Variants in PRDM16 observed in about 807,000 individuals in gnomAD.
PRDM16 encodes PR/SET domain 16, also known as histone-lysine N-methyltransferase PRDM16.
PRDM16 carries 23 observed loss-of-function variants against 110.6 expected under a neutral mutation model. The ratio of observed to expected loss-of-function variants is 0.21; its 90% CI spans 0.15 to 0.29. The LOEUF (loss-of-function observed/expected upper bound fraction) is 0.29, where lower values mean the gene tolerates loss of function less well. PRDM16 is among the 10% of genes least tolerant of loss of function. The pLI is 1.00. For synonymous variants in PRDM16, 799 were observed against 781.8 expected, an observed-to-expected ratio of 1.02 and a Z score of -0.37; for missense variants, 1,615 against 1,794.3, an observed-to-expected ratio of 0.90 and a Z score of 1.81.
intron 3 of PRDM16, among the ~76,000 whole-genome samples, chr1:3,341,884 G>A (rs950498730): frequency 2.6e-5 from 4 of 152,258 alleles, no homozygotes; most frequent in African/African-American, 9.6e-5. Flanking sequence ...AGTCCGGGCT[G>A]TCTTCTTCGG....
intron 3 of PRDM16, among the ~76,000 whole-genome samples, chr1:3,347,377 T>G (rs986846825): frequency 1.2e-4 from 19 of 152,224 alleles, no homozygotes; most frequent in African/African-American, 4.1e-4. Flanking sequence ...CTCCCTGGCA[T>G]TGGCCCAGGA....
At position 3,271,171 on chromosome 1, in the gene PRDM16, A is replaced by C. The variant is rs541693068; in HGVS notation, c.438+27034A>C. Reference sequence around the variant, plus strand: ...CATTCACGCCAGTGTGGGGCCCCGGACGCCTCCAGGTCAGAATGAAAGCCC... The same window carrying C: ...CATTCACGCCAGTGTGGGGCCCCGGCCGCCTCCAGGTCAGAATGAAAGCCC... On this transcript the variant is annotated intron_variant, in intron 3 of 16. Transcript: ENST00000270722. Among the ~76,000 whole-genome samples the C allele has an allele frequency of 2.0e-5, 3 of 152,290 alleles. No homozygotes were observed. The South Asian group carries it at 6.2e-4, about 32-fold the overall frequency.
intron 1 of PRDM16, among the ~76,000 whole-genome samples, chr1:3,092,709 C>G (rs1436782701): frequency 6.6e-6 from 1 of 152,132 alleles, no homozygotes; most frequent in Non-Finnish European, 1.5e-5. Flanking sequence ...TGGCTGGGCA[C>G]CCCCGGTCTG....
chr1:3,101,849 G>T (rs1027441711), intron 1 of PRDM16, among the ~76,000 whole-genome samples: 4 of 152,212 alleles, frequency 2.6e-5, no homozygotes, highest in Non-Finnish European at 5.9e-5. Flanking sequence ...AAGACCACCC[G>T]TTCTTGTCTC....
intron 3 of PRDM16, among the ~76,000 whole-genome samples, chr1:3,340,542 C>T (rs549853436): frequency 2.6e-5 from 4 of 152,188 alleles, no homozygotes; most frequent in Admixed American, 6.5e-5. Flanking sequence ...ATACCATCTA[C>T]GTTTTTCCCC....
rs1569734388 is a variant in PRDM16 at position 3,412,870 on chromosome 1, C to T, written c.2603+70C>T. 4.0e-6 allele frequency: 5 copies of T among 1,252,870 alleles called. No homozygotes were observed. The East Asian group carries it at 1.4e-4, about 35-fold the overall frequency. 77.6% of individuals were successfully genotyped at this position (1,252,870 alleles called of 1,614,324 possible). ...GCGGCGGTGCTGGGCGGGCTCAGTG[C>T]ATGGTGGTGTCTCTTTCAAGCTCCT... On this transcript the variant is annotated intron_variant, in intron 9 of 16. Transcript: ENST00000270722.
chr1:3,356,537 C>T (rs1642606540), intron 3 of PRDM16, among the ~76,000 whole-genome samples: 1 of 152,206 alleles, frequency 6.6e-6, no homozygotes, highest in African/African-American at 2.4e-5. Context: ...TTTTCCTTGC[C>T]TGGGTGCAGA....
At chr1:3,132,315 C>G (rs1643351324) in intron 1 of PRDM16, among the ~76,000 whole-genome samples, 1 of 152,168 alleles carries the variant, frequency 6.6e-6, no homozygotes. Context: ...GATTCTGTGT[C>G]CGGTGAGCAG....
chr1:3,437,687 T>C lies in PRDM16; in HGVS notation c.*3876T>C, dbSNP rs1334504636. 3 of 225,758 alleles carry C rather than the reference T, an allele frequency of 1.3e-5. No homozygotes were observed. The East Asian group carries it at 1.9e-4, about 14-fold the overall frequency. The allele number at this position is 225,758 out of a possible 1,614,324, so 14.0% of individuals were successfully genotyped here. A position where few individuals can be genotyped will look rare whatever the true frequency, so the allele number is the denominator to read the frequency against. On this transcript the variant is annotated 3_prime_UTR_variant, in exon 17 of 17. Transcript: ENST00000270722. ...TTCCTAGAAGAGTTCCTCTGCTCCT[T>C]CCATTCCATTTTTGTGTTTGTTTTG...
At chr1:3,085,587 A>T (rs1458098139) in intron 1 of PRDM16, among the ~76,000 whole-genome samples, 1 of 152,220 alleles carries the variant, frequency 6.6e-6, no homozygotes, top group Non-Finnish European at 1.5e-5. Context: ...CTCTGAGCCC[A>T]GTGTGCCCAT....
At chr1:3,305,481 G>A (rs768714429) in intron 3 of PRDM16, among the ~76,000 whole-genome samples, 1 of 152,192 alleles carries the variant, frequency 6.6e-6, no homozygotes, top group East Asian at 1.9e-4. Flanking sequence ...AGGTGTAAGC[G>A]GATGCTCCTT....
At chr1:3,365,885 C>T (rs542931721) in intron 3 of PRDM16, among the ~76,000 whole-genome samples, 3 of 152,286 alleles carry the variant, frequency 2.0e-5, no homozygotes, top group Non-Finnish European at 2.9e-5. Flanking sequence ...TGTTTATGTG[C>T]GCAGGGATGC....
chr1:3,240,626 A>T (rs1469107671), intron 2 of PRDM16, among the ~76,000 whole-genome samples: 1 of 152,142 alleles, frequency 6.6e-6, no homozygotes, highest in Non-Finnish European at 1.5e-5. Flanking sequence ...CTCCTTAGTT[A>T]GGTTCTCAGA....
At chr1:3,300,997 C>T (rs1641195364) in intron 3 of PRDM16, among the ~76,000 whole-genome samples, 1 of 152,180 alleles carries the variant, frequency 6.6e-6, no homozygotes, top group Non-Finnish European at 1.5e-5. Flanking sequence ...TGCAAGGCTG[C>T]ACTCCTTGAC....
rs1222395938 is a variant in PRDM16 at position 3,125,059 on chromosome 1, AG to A, written c.37+55764del. 2.6e-5 allele frequency among the ~76,000 whole-genome samples: 4 copies of A among 152,354 alleles called. No individual in the cohort carries two copies. In the South Asian group the frequency reaches 8.3e-4, roughly 32 times the overall value. Reference sequence around the variant, plus strand: ...TGCATGTCTCTGGGAAAACCTGATCAGCTGACCCAAACCAACTACAGTTCTG... The same window carrying A: ...TGCATGTCTCTGGGAAAACCTGATCACTGACCCAAACCAACTACAGTTCTG... On this transcript the variant is annotated intron_variant, in intron 1 of 16. Transcript: ENST00000270722.
At chr1:3,075,072 C>G (rs1037284882) in intron 1 of PRDM16, among the ~76,000 whole-genome samples, 2 of 152,260 alleles carry the variant, frequency 1.3e-5, no homozygotes, top group Non-Finnish European at 2.9e-5. Flanking sequence ...GCCATCAAAT[C>G]CTCCACGGTC....
intron 1 of PRDM16, among the ~76,000 whole-genome samples, chr1:3,070,682 C>T (rs537808387): frequency 9.5e-4 from 144 of 152,156 alleles, no homozygotes; most frequent in African/African-American, 3.3e-3. Flanking sequence ...AAACGTGAGC[C>T]GGGTGCGCGC....
chr1:3,405,355 C>T (rs1643542482), intron 7 of PRDM16, 140 bp from the exon 8 acceptor site: 15 of 958,848 alleles, frequency 1.6e-5, no homozygotes, highest in Admixed American at 3.1e-5. Flanking sequence ...AGACCTGTCC[C>T]GGCCTGCTTG....
chr1:3,316,406 A>G (rs1255491655), intron 3 of PRDM16, among the ~76,000 whole-genome samples: 2 of 152,238 alleles, frequency 1.3e-5, no homozygotes, highest in Non-Finnish European at 2.9e-5. Context: ...ACACCCATCC[A>G]GCTTCCAGGG....
Sources: allele counts gnomAD v4.1 joint callset (sites outside exome capture counted in the v4.1 genomes callset), GRCh38; gene constraint gnomAD v4.1.1; transcripts MANE v1.5; gene names NCBI Gene and HGNC (gene_info 2026-07-23, HGNC 2026-07-21).